CALN1: variants seen among roughly 807,000 people sequenced by gnomAD.
The protein encoded by CALN1 is calneuron 1, also known as calcium-binding protein 8.
A neutral mutation model predicts 30.6 loss-of-function variants in CALN1; 17 were observed. The observed-to-expected ratio is 0.56, with a 90% CI of 0.38 to 0.83. CALN1 has a LOEUF of 0.83. CALN1 is among the 40% of genes least tolerant of loss of function. The probability of loss-of-function intolerance (pLI) is 0.00; values close to 1 mark genes in which losing one functional copy is unlikely to be tolerated. For synonymous variants in CALN1, 156 were observed against 131.4 expected (o/e 1.19, Z -1.28); for missense variants, 291 against 354.9 (o/e 0.82, Z 1.45).
chr7:72,473,247 G>A, the CALN1 span, among the ~76,000 whole-genome samples: 1 of 151,760 alleles, frequency 6.6e-6, no homozygotes, highest in African/African-American at 2.4e-5. Flanking sequence ...CACCGTGCCC[G>A]GCCCAGCCTG....
chr7:72,204,660 T>A (rs935037223), intron 3 of CALN1, among the ~76,000 whole-genome samples: 1 of 152,154 alleles, frequency 6.6e-6, no homozygotes, highest in African/African-American at 2.4e-5. Context: ...ATGAGCATAA[T>A]GGGAATCACA....
intron 3 of CALN1, among the ~76,000 whole-genome samples, chr7:72,178,328 A>C (rs1254269459): frequency 6.8e-6 from 1 of 146,642 alleles, no homozygotes; most frequent in East Asian, 2.1e-4. Flanking sequence ...ACTGTTGGAA[A>C]AGGCTGCACT....
At chr7:72,355,230 A>G (rs2129559489) in intron 2 of CALN1, among the ~76,000 whole-genome samples, 1 of 152,348 alleles carries the variant, frequency 6.6e-6, no homozygotes, top group South Asian at 2.1e-4. Context: ...ACGAGGATAC[A>G]AAAGGCACAA....
chr7:72,139,981 G>A (rs1209813575), intron 3 of CALN1, among the ~76,000 whole-genome samples: 1 of 152,140 alleles, frequency 6.6e-6, no homozygotes, highest in Non-Finnish European at 1.5e-5. Flanking sequence ...CACTGTTGGG[G>A]GAGGTTAGGA....
At chr7:72,338,479 G>A (rs920861072) in intron 2 of CALN1, among the ~76,000 whole-genome samples, 1 of 112,964 alleles carries the variant, frequency 8.9e-6, no homozygotes, top group South Asian at 3.3e-4. Flanking sequence ...CAGTGTGTGT[G>A]TGTGTGTGTG....
chr7:72,218,194 A>G (rs1253581265), intron 3 of CALN1, among the ~76,000 whole-genome samples: 2 of 151,510 alleles, frequency 1.3e-5, no homozygotes, highest in East Asian at 2.0e-4. Context: ...CATGCTTGCA[A>G]TGCCAGCACT....
At position 71,780,871 on chromosome 7, in the gene CALN1, CCTTT is replaced by C. The variant is rs1283756798; in HGVS notation, c.*6900_*6903del. 1 of 152,154 alleles carries C rather than the reference CCTTT, an allele frequency of 6.6e-6. No homozygotes were observed. The highest frequency in any genetic ancestry group is 2.4e-5 in the African/African-American group (1 of 41,444). The allele number at this position is 152,154 out of a possible 1,614,324, so 9.4% of individuals were successfully genotyped here. A position where few individuals can be genotyped will look rare whatever the true frequency, so the allele number is the denominator to read the frequency against. The stretch of plus-strand genomic sequence containing the variant: ...TGACCTTTGGGGAGGTGACTGACTC[CCTTT>C]ATTTTCACACTTGCCAAGACAGACA... On this transcript the variant is annotated 3_prime_UTR_variant, in exon 7 of 7. Coordinates refer to ENST00000395275, the MANE Select transcript of CALN1 (RefSeq NM_031468.4).
At chr7:72,189,433 G>T (rs1353280317) in intron 3 of CALN1, among the ~76,000 whole-genome samples, 1 of 152,222 alleles carries the variant, frequency 6.6e-6, no homozygotes, top group Non-Finnish European at 1.5e-5. Flanking sequence ...TAAAGCTTTA[G>T]TTAGGAATAA....
intron 3 of CALN1, among the ~76,000 whole-genome samples, chr7:72,195,269 C>T (rs1790906539): frequency 6.6e-6 from 1 of 152,214 alleles, no homozygotes; most frequent in African/African-American, 2.4e-5. Flanking sequence ...TAACCACTGT[C>T]TTCTCCTACC....
chr7:72,431,845 C>CA (rs1168420802), intron 1 of CALN1, among the ~76,000 whole-genome samples: 41,658 of 100,528 alleles, frequency 0.41, 7,450 homozygotes, highest in Middle Eastern at 0.57. Flanking sequence ...ACCTCATCTC[C>CA]AAAAAAAAAA....
intron 3 of CALN1, among the ~76,000 whole-genome samples, chr7:72,128,645 C>T (rs542338422): frequency 3.3e-5 from 5 of 152,218 alleles, no homozygotes; most frequent in East Asian, 1.9e-4. Context: ...CTGAGGTGGG[C>T]GGATCACCTG....
At chr7:72,278,911 T>C in intron 2 of CALN1, 101 bp from the exon 3 acceptor site, 8 of 1,447,588 alleles carry the variant, frequency 5.5e-6, no homozygotes, top group Non-Finnish European at 7.5e-6. Context: ...GCCAGTGTCA[T>C]TTTAAAAATA....
chr7:72,025,137 C>G (rs1024958833), intron 4 of CALN1, among the ~76,000 whole-genome samples: 1 of 152,004 alleles, frequency 6.6e-6, no homozygotes, highest in Non-Finnish European at 1.5e-5. Flanking sequence ...ATGGTGAAAC[C>G]CTGTCTCTAC....
At chr7:72,274,187 T>A (rs972029478) in intron 3 of CALN1, among the ~76,000 whole-genome samples, 14 of 152,046 alleles carry the variant, frequency 9.2e-5, no homozygotes, top group African/African-American at 3.1e-4. Flanking sequence ...AAACTTCAGA[T>A]GGAGGTGAAT....
intron 5 of CALN1, among the ~76,000 whole-genome samples, chr7:71,880,839 C>T (rs566441498): frequency 1.9e-4 from 29 of 152,200 alleles, no homozygotes; most frequent in Non-Finnish European, 3.8e-4. Context: ...CACTTTTCCT[C>T]GCATTCCTTC....
chr7:72,148,630 C>G (rs1441611551), intron 3 of CALN1, among the ~76,000 whole-genome samples: 1 of 149,664 alleles, frequency 6.7e-6, no homozygotes, highest in African/African-American at 2.5e-5. Flanking sequence ...AGAGGCTGGG[C>G]ATGGTGGCTC....
At chr7:72,185,069 T>C (rs1300207674) in intron 3 of CALN1, among the ~76,000 whole-genome samples, 1 of 152,172 alleles carries the variant, frequency 6.6e-6, no homozygotes, top group Non-Finnish European at 1.5e-5. Flanking sequence ...CCTCCCAAAG[T>C]GCTGGGATTA....
chr7:72,474,386 T>C, the CALN1 span, among the ~76,000 whole-genome samples: 4 of 152,198 alleles, frequency 2.6e-5, no homozygotes, highest in Admixed American at 2.0e-4. Context: ...CTGCATGCAG[T>C]GTTTAAAATC....
At chr7:72,072,653 A>T (rs976019387) in intron 4 of CALN1, among the ~76,000 whole-genome samples, 6 of 152,212 alleles carry the variant, frequency 3.9e-5, no homozygotes, top group Non-Finnish European at 7.3e-5. Context: ...GTAACTCTAC[A>T]TTTTGTTTTC....
Sources: allele counts gnomAD v4.1 joint callset (sites outside exome capture counted in the v4.1 genomes callset), GRCh38; gene constraint gnomAD v4.1.1; transcripts MANE v1.5; gene names NCBI Gene and HGNC (gene_info 2026-07-23, HGNC 2026-07-21).